The following SP4 variants were observed in gnomAD, a reference collection of about 807,000 sequenced individuals.
The protein encoded by SP4 is transcription factor Sp4.
SP4 carries 19 observed loss-of-function variants against 72.8 expected under a neutral mutation model. The ratio of observed to expected loss-of-function variants is 0.26; its 90% CI spans 0.18 to 0.38. The LOEUF (loss-of-function observed/expected upper bound fraction) is 0.38, where lower values mean the gene tolerates loss of function less well. Ranked by LOEUF, SP4 falls within the 10% of genes least tolerant of loss-of-function variation. The pLI is 1.00. For missense variants in SP4, 1,008 were observed against 926.3 expected, an observed-to-expected ratio of 1.09 and a Z score of -1.14; for synonymous variants, 395 against 333.1, an observed-to-expected ratio of 1.19 and a Z score of -2.02.
In SP4 at chr7:21,511,787, A is replaced by G. The variant is rs908798896; in HGVS notation, c.*518A>G. The G allele has an allele frequency of 6.4e-6, 1 of 155,048 alleles. No individual in the cohort carries two copies. The highest frequency in any genetic ancestry group is 2.4e-5 in the African/African-American group (1 of 41,434). 9.6% of individuals were successfully genotyped at this position (155,048 alleles called of 1,614,324 possible). A position where few individuals can be genotyped will look rare whatever the true frequency, so the allele number is the denominator to read the frequency against. ...AAAATAGTTTGGCCGTCTTTTCTAA[A>G]TGTTAGAAATTCTTCAACAGTTGAA... On this transcript the variant is annotated 3_prime_UTR_variant, in exon 6 of 6. Coordinates refer to ENST00000222584, the MANE Select transcript of SP4 (RefSeq NM_003112.5).
intron 3 of SP4, among the ~76,000 whole-genome samples, chr7:21,458,170 T>G (rs1207852125): frequency 1.3e-5 from 2 of 152,154 alleles, no homozygotes; most frequent in African/African-American, 4.8e-5. Flanking sequence ...CAAGTGCAGT[T>G]TTCCTGTCAA....
chr7:21,432,735 T>C (rs1271240005), intron 3 of SP4, among the ~76,000 whole-genome samples: 1 of 152,216 alleles, frequency 6.6e-6, no homozygotes, highest in African/African-American at 2.4e-5. Context: ...GGCTCATCCC[T>C]GTAATCCCAA....
intron 3 of SP4, chr7:21,471,031 TG>T (rs1562608950): frequency 1.9e-6 from 1 of 533,890 alleles, no homozygotes; most frequent in Non-Finnish European, 3.9e-6. Context: ...AGGTTTGGGG[TG>T]GGAGAATGTG....
At chr7:21,433,816 C>A (rs566416677) in intron 3 of SP4, among the ~76,000 whole-genome samples, 3 of 151,918 alleles carry the variant, frequency 2.0e-5, no homozygotes, top group Non-Finnish European at 2.9e-5. Context: ...GGCACATGCC[C>A]GTAGTCCCAG....
At chr7:21,491,025 A>G (rs1044171298) in intron 5 of SP4, among the ~76,000 whole-genome samples, 5 of 152,178 alleles carry the variant, frequency 3.3e-5, no homozygotes, top group African/African-American at 1.2e-4. Flanking sequence ...AAATTACTCA[A>G]CATACTATGA....
At chr7:21,478,999 C>T (rs1437841092) in intron 4 of SP4, among the ~76,000 whole-genome samples, 2 of 150,838 alleles carry the variant, frequency 1.3e-5, no homozygotes, top group Admixed American at 1.3e-4. Context: ...ACCCAGGAGG[C>T]GGAGGTTGCA....
chr7:21,458,423 A>T (rs1783847316), intron 3 of SP4, among the ~76,000 whole-genome samples: 1 of 152,162 alleles, frequency 6.6e-6, no homozygotes, highest in Non-Finnish European at 1.5e-5. Context: ...ACCTCAGGTG[A>T]TCCACCTGCC....
chr7:21,453,705 C>T (rs1355252793), intron 3 of SP4, among the ~76,000 whole-genome samples: 1 of 152,088 alleles, frequency 6.6e-6, no homozygotes, highest in Admixed American at 6.5e-5. Flanking sequence ...TGTCATAGAC[C>T]TTTTATAACC....
intron 3 of SP4, among the ~76,000 whole-genome samples, chr7:21,462,295 T>C (rs537412188): frequency 4.2e-4 from 64 of 152,248 alleles, no homozygotes; most frequent in South Asian, 3.7e-3. Context: ...GGGACCATAG[T>C]ATTGACTCAG....
Position 21,428,206 on chromosome 7 carries a change from C to A in SP4, c.-46C>A, listed in dbSNP as rs1554292065. Reference sequence around the variant, plus strand: ...CCGCCTCGCCCCCACCCCCACCCACCTCTATCCCAGTGTCTCCGTCTGAGG... The same window carrying A: ...CCGCCTCGCCCCCACCCCCACCCACATCTATCCCAGTGTCTCCGTCTGAGG... On this transcript the variant is annotated 5_prime_UTR_variant, in exon 1 of 6. Coordinates refer to ENST00000222584, the MANE Select transcript of SP4 (RefSeq NM_003112.5). 6.2e-6 allele frequency: 8 copies of A among 1,295,402 alleles called. No individual in the cohort carries two copies. Among genetic ancestry groups the A allele is most frequent in the Non-Finnish European group, 4.3e-6 (4 of 923,816 alleles). The allele number at this position is 1,295,402 out of a possible 1,614,324, so 80.2% of individuals were successfully genotyped here.
intron 4 of SP4, 48 bp from the exon 5 acceptor site, chr7:21,481,876 A>G (rs2128411162): frequency 7.9e-7 from 1 of 1,265,162 alleles, no homozygotes; most frequent in Non-Finnish European, 1.2e-6. Context: ...ATAATTGTAA[A>G]CCTACTATTT....
chr7:21,439,757 A>T (rs542781737), intron 3 of SP4, among the ~76,000 whole-genome samples: 14 of 152,202 alleles, frequency 9.2e-5, no homozygotes, highest in African/African-American at 3.4e-4. Context: ...AATCAGCTGG[A>T]TGTGGTGGCC....
intron 5 of SP4, among the ~76,000 whole-genome samples, chr7:21,492,976 G>T (rs1785019100): frequency 6.6e-6 from 1 of 152,144 alleles, no homozygotes; most frequent in South Asian, 2.1e-4. Context: ...AAGACAGGTG[G>T]ATCACCTGAG....
chr7:21,501,441 A>G (rs1379679228), intron 5 of SP4, among the ~76,000 whole-genome samples: 4 of 151,762 alleles, frequency 2.6e-5, no homozygotes, highest in African/African-American at 9.7e-5. Context: ...TCCATAGGAG[A>G]TTGAGTTTAA....
chr7:21,441,537 G>T (rs527502252), intron 3 of SP4, among the ~76,000 whole-genome samples: 1 of 152,294 alleles, frequency 6.6e-6, no homozygotes, highest in East Asian at 1.9e-4. Flanking sequence ...TGAAAAACTT[G>T]AATCTAGTGG....
At chr7:21,443,828 T>C (rs976211420) in intron 3 of SP4, among the ~76,000 whole-genome samples, 2 of 152,230 alleles carry the variant, frequency 1.3e-5, no homozygotes, top group Non-Finnish European at 2.9e-5. Context: ...AAAAGTGGTT[T>C]GTGAATTCTG....
chr7:21,509,018 A>G (rs1408201089), intron 5 of SP4, among the ~76,000 whole-genome samples: 1 of 152,034 alleles, frequency 6.6e-6, no homozygotes, highest in Non-Finnish European at 1.5e-5. Context: ...AATAGTAATA[A>G]CTGTAAATAA....
chr7:21,503,480 G>T (rs1325202648), intron 5 of SP4, among the ~76,000 whole-genome samples: 1 of 152,180 alleles, frequency 6.6e-6, no homozygotes, highest in African/African-American at 2.4e-5. Context: ...CAGAGGAAGG[G>T]AGATGCCAAG....
intron 3 of SP4, among the ~76,000 whole-genome samples, chr7:21,439,417 G>T (rs1416681896): frequency 6.6e-6 from 1 of 152,052 alleles, no homozygotes; most frequent in African/African-American, 2.4e-5. Flanking sequence ...GGCGAAGGCA[G>T]GGCTTTTAGT....
Sources: allele counts gnomAD v4.1 joint callset (sites outside exome capture counted in the v4.1 genomes callset), GRCh38; gene constraint gnomAD v4.1.1; transcripts MANE v1.5; gene names NCBI Gene and HGNC (gene_info 2026-07-23, HGNC 2026-07-21).